The following KCNN2 variants were observed in gnomAD, a reference collection of about 807,000 sequenced individuals.
The protein encoded by KCNN2 is potassium calcium-activated channel subfamily N member 2.
KCNN2 carries 24 observed loss-of-function variants against 55.5 expected under a neutral mutation model. The ratio of observed to expected loss-of-function variants is 0.43; its 90% CI spans 0.31 to 0.61. KCNN2 has a LOEUF of 0.61. Ranked by LOEUF, KCNN2 falls within the 20% of genes least tolerant of loss-of-function variation. The probability of loss-of-function intolerance (pLI) is 0.08; values close to 1 mark genes in which losing one functional copy is unlikely to be tolerated. For missense variants in KCNN2, 754 were observed against 853.6 expected (o/e 0.88, Z 1.45); for synonymous variants, 431 against 336.1 (o/e 1.28, Z -3.09).
intron 1 of KCNN2, among the ~76,000 whole-genome samples, chr5:114,168,174 TACACAC>T (rs10654082): frequency 2.0e-5 from 3 of 148,610 alleles, no homozygotes; most frequent in Non-Finnish European, 4.5e-5. Context: ...TGGATATATA[TACACAC>T]ACACACACAC....
At chr5:114,217,840 T>C (rs1229080581) in intron 1 of KCNN2, among the ~76,000 whole-genome samples, 1 of 152,038 alleles carries the variant, frequency 6.6e-6, no homozygotes, top group East Asian at 1.9e-4. Context: ...AAAACATTTT[T>C]AAAAGACACA....
At chr5:114,374,768 A>G (rs1757883848) in intron 2 of KCNN2, among the ~76,000 whole-genome samples, 1 of 152,184 alleles carries the variant, frequency 6.6e-6, no homozygotes, top group Admixed American at 6.5e-5. Context: ...TAAACTTGGA[A>G]TTAATTATGT....
At chr5:114,472,127 A>C (rs937501216) in intron 4 of KCNN2, among the ~76,000 whole-genome samples, 2 of 152,104 alleles carry the variant, frequency 1.3e-5, no homozygotes, top group Non-Finnish European at 2.9e-5. Flanking sequence ...GTAGTTCCTC[A>C]CATGCCCCCT....
intron 1 of KCNN2, among the ~76,000 whole-genome samples, chr5:114,106,151 T>C (rs1358841288): frequency 6.6e-6 from 1 of 151,960 alleles, no homozygotes; most frequent in East Asian, 1.9e-4. Flanking sequence ...TTTCTACCAT[T>C]AGCAGTCTAC....
intron 1 of KCNN2, among the ~76,000 whole-genome samples, chr5:114,109,418 C>T (rs1175043888): frequency 6.6e-6 from 1 of 151,892 alleles, no homozygotes; most frequent in Non-Finnish European, 1.5e-5. Flanking sequence ...CAGGTCCTGC[C>T]AACACTCCAG....
intron 2 of KCNN2, among the ~76,000 whole-genome samples, chr5:114,248,083 C>T (rs7712075): frequency 0.8 from 121,633 of 152,080 alleles, 48,929 homozygotes; most frequent in East Asian, 0.9. Flanking sequence ...CTTCCTTATT[C>T]GAATCAGGTC....
chr5:114,394,068 T>C (rs1306985091), intron 2 of KCNN2, among the ~76,000 whole-genome samples: 3 of 152,182 alleles, frequency 2.0e-5, no homozygotes, highest in African/African-American at 7.2e-5. Flanking sequence ...GAATGTATGC[T>C]TATAACCTGA....
At chr5:114,228,654 T>A (rs1003119109) in intron 2 of KCNN2, among the ~76,000 whole-genome samples, 9 of 152,088 alleles carry the variant, frequency 5.9e-5, no homozygotes, top group Non-Finnish European at 1.3e-4. Context: ...GATATATAAG[T>A]TGAGCTTTCT....
chr5:114,380,642 T>A (rs528848143), intron 2 of KCNN2, among the ~76,000 whole-genome samples: 4 of 152,284 alleles, frequency 2.6e-5, no homozygotes, highest in Non-Finnish European at 5.9e-5. Context: ...AACGGTAACA[T>A]TAGTATTTTC....
intron 3 of KCNN2, among the ~76,000 whole-genome samples, chr5:114,444,642 G>A (rs866488322): frequency 1.3e-5 from 2 of 152,138 alleles, no homozygotes; most frequent in South Asian, 2.1e-4. Flanking sequence ...CAACTTGTGT[G>A]ATTTGATTTC....
At chr5:114,065,595 C>T (rs1750428096) in intron 1 of KCNN2, among the ~76,000 whole-genome samples, 1 of 152,134 alleles carries the variant, frequency 6.6e-6, no homozygotes, top group African/African-American at 2.4e-5. Flanking sequence ...CAATATTAGT[C>T]TTGACTGGTC....
intron 2 of KCNN2, among the ~76,000 whole-genome samples, chr5:114,378,207 C>A (rs1349421779): frequency 6.6e-6 from 1 of 152,194 alleles, no homozygotes; most frequent in African/African-American, 2.4e-5. Flanking sequence ...CACAGCCACG[C>A]CCACTTGTTC....
At chr5:114,085,390 A>G (rs7702107) in intron 1 of KCNN2, among the ~76,000 whole-genome samples, 65,519 of 151,742 alleles carry the variant, frequency 0.43, 14,463 homozygotes, top group East Asian at 0.66. Flanking sequence ...AGTTTTCTCC[A>G]TATAGATCCT....
intron 2 of KCNN2, among the ~76,000 whole-genome samples, chr5:114,226,830 G>A (rs1754245781): frequency 1.3e-5 from 2 of 150,620 alleles, no homozygotes; most frequent in Admixed American, 6.6e-5. Flanking sequence ...GAACCCAGGA[G>A]GTGGAGCTTG....
At chr5:114,409,599 A>C (rs1759060514) in intron 3 of KCNN2, among the ~76,000 whole-genome samples, 1 of 152,172 alleles carries the variant, frequency 6.6e-6, no homozygotes, top group African/African-American at 2.4e-5. Flanking sequence ...ATTTTTAGTT[A>C]ATTAGATATC....
At chr5:114,056,516 A>G (rs1287286366) in intron 1 of KCNN2, 1 of 398,046 alleles carries the variant, frequency 2.5e-6, no homozygotes, top group South Asian at 1.3e-4. Context: ...GTCGCGACTA[A>G]GGTGACATTG....
chr5:114,348,638 A>G (rs1757156942), intron 2 of KCNN2, among the ~76,000 whole-genome samples: 1 of 152,158 alleles, frequency 6.6e-6, no homozygotes, highest in Admixed American at 6.5e-5. Flanking sequence ...TAAAATTCCT[A>G]TTAGGACATT....
intron 1 of KCNN2, among the ~76,000 whole-genome samples, chr5:114,094,909 A>G (rs1751225168): frequency 6.6e-6 from 1 of 152,098 alleles, no homozygotes; most frequent in Admixed American, 6.6e-5. Context: ...CTGCTTTTAT[A>G]TAATATTGGT....
intron 6 of KCNN2, among the ~76,000 whole-genome samples, chr5:114,487,830 G>A (rs1025788167): frequency 6.6e-6 from 1 of 152,194 alleles, no homozygotes; most frequent in African/African-American, 2.4e-5. Flanking sequence ...TATTATTCAT[G>A]TGGGTATCGA....
Sources: allele counts gnomAD v4.1 joint callset (sites outside exome capture counted in the v4.1 genomes callset), GRCh38; gene constraint gnomAD v4.1.1; transcripts MANE v1.5; gene names NCBI Gene and HGNC (gene_info 2026-07-23, HGNC 2026-07-21).